Variants in ZNF469 observed in about 807,000 individuals in gnomAD.
ZNF469 encodes the protein zinc finger protein 469.
A neutral mutation model predicts 1.0 loss-of-function variants in ZNF469; 1 was observed. The ratio of observed to expected loss-of-function variants is 1.00; its 90% CI spans 0.35 to 4.73. The LOEUF is 4.73. ZNF469 is among the 30% of genes most tolerant of loss of function. ZNF469 has a pLI of 0.16. For synonymous variants in ZNF469, 2,703 were observed against 2,363.4 expected, an observed-to-expected ratio of 1.14 and a Z score of -4.17; for missense variants, 6,100 against 5,356.3, an observed-to-expected ratio of 1.14 and a Z score of -4.33.
the ZNF469 span, among the ~76,000 whole-genome samples, chr16:88,301,802 GC>G: frequency 1.3e-5 from 2 of 152,214 alleles, no homozygotes; most frequent in South Asian, 4.2e-4. Context: ...TCACCTTTCT[GC>G]CCCTGCCACC....
At chr16:88,395,041 G>T (rs533001430) in intron 1 of ZNF469, among the ~76,000 whole-genome samples, 3 of 152,336 alleles carry the variant, frequency 2.0e-5, no homozygotes, top group African/African-American at 7.2e-5. Flanking sequence ...ACAGCCTCAG[G>T]TTGGCTCACG....
chr16:88,127,344 C>T, the ZNF469 span, among the ~76,000 whole-genome samples: 1 of 152,198 alleles, frequency 6.6e-6, no homozygotes, highest in Non-Finnish European at 1.5e-5. Flanking sequence ...TAGAATTCAG[C>T]AACGAATCCC....
the ZNF469 span, among the ~76,000 whole-genome samples, chr16:88,196,287 GGA>G: frequency 2.0e-5 from 3 of 152,336 alleles, no homozygotes; most frequent in East Asian, 3.9e-4. Context: ...CCTGTGCCAA[GGA>G]GAGAGGTGGC....
chr16:88,382,115 G>A (rs1434895948), upstream of ZNF469, among the ~76,000 whole-genome samples: 1 of 152,238 alleles, frequency 6.6e-6, no homozygotes, highest in Non-Finnish European at 1.5e-5. Context: ...ATCCTCTGAA[G>A]TGGGGGAGGG....
chr16:88,220,813 A>T, the ZNF469 span, among the ~76,000 whole-genome samples: 2 of 152,258 alleles, frequency 1.3e-5, no homozygotes, highest in East Asian at 3.9e-4. Context: ...TTCCCCCACA[A>T]GGGGATCCTT....
At chr16:88,288,956 C>T in the ZNF469 span, among the ~76,000 whole-genome samples, 1 of 152,094 alleles carries the variant, frequency 6.6e-6, no homozygotes, top group Non-Finnish European at 1.5e-5. Context: ...ATCCAGTGTT[C>T]TTGGTGACTC....
chr16:88,189,515 T>C, the ZNF469 span, among the ~76,000 whole-genome samples: 1 of 152,246 alleles, frequency 6.6e-6, no homozygotes, highest in Admixed American at 6.5e-5. This position sits in a 1 kb window ranked among gnomAD's most constrained non-coding sequence, Gnocchi z 4.3. Flanking sequence ...CGTTCATTTA[T>C]CCACCATTCC....
At chr16:88,238,562 G>A in the ZNF469 span, among the ~76,000 whole-genome samples, 1 of 152,236 alleles carries the variant, frequency 6.6e-6, no homozygotes, top group Admixed American at 6.5e-5. Context: ...TCCCTTAGGA[G>A]GCCACTGTCC....
At chr16:88,151,639 T>C in the ZNF469 span, among the ~76,000 whole-genome samples, 1 of 152,206 alleles carries the variant, frequency 6.6e-6, no homozygotes, top group Non-Finnish European at 1.5e-5. The surrounding 1 kb of genome is among the most constrained non-coding windows in gnomAD (Gnocchi z 5.4). Flanking sequence ...TAGGCACCAT[T>C]AGTATCATAA....
the ZNF469 span, among the ~76,000 whole-genome samples, chr16:88,355,789 G>A: frequency 1.3e-5 from 2 of 152,206 alleles, no homozygotes; most frequent in African/African-American, 4.8e-5. Context: ...GGGGCCGGGG[G>A]ACACTCAGGA....
the ZNF469 span, among the ~76,000 whole-genome samples, chr16:88,135,470 C>A: frequency 6.6e-6 from 1 of 152,212 alleles, no homozygotes; most frequent in Non-Finnish European, 1.5e-5. Context: ...AGTGCCAGCC[C>A]GTGGCTGCTT....
At chr16:88,165,916 G>A in the ZNF469 span, among the ~76,000 whole-genome samples, 4 of 152,196 alleles carry the variant, frequency 2.6e-5, no homozygotes, top group South Asian at 2.1e-4. Context: ...CAAAGCCCCC[G>A]AGACTCATCC....
intron 1 of ZNF469, among the ~76,000 whole-genome samples, chr16:88,391,639 C>T (rs1378519555): frequency 6.6e-6 from 1 of 152,194 alleles, no homozygotes. Context: ...ACAGGTGGGG[C>T]CGGGGGACAG....
the ZNF469 span, among the ~76,000 whole-genome samples, chr16:88,152,157 A>G: frequency 6.6e-6 from 1 of 152,216 alleles, no homozygotes; most frequent in South Asian, 2.1e-4. The surrounding 1 kb of genome is among the most constrained non-coding windows in gnomAD (Gnocchi z 4.2). Flanking sequence ...GGATGCAAAA[A>G]CAATTCTGAG....
chr16:88,205,290 G>A, the ZNF469 span, among the ~76,000 whole-genome samples: 123 of 152,240 alleles, frequency 8.1e-4, 1 homozygote, highest in East Asian at 0.017. The surrounding 1 kb of genome is among the most constrained non-coding windows in gnomAD (Gnocchi z 4.2). Flanking sequence ...ATTATGTCCC[G>A]GCTTCCTCGA....
At chr16:88,264,196 C>T in the ZNF469 span, among the ~76,000 whole-genome samples, 3 of 152,126 alleles carry the variant, frequency 2.0e-5, no homozygotes, top group Non-Finnish European at 4.4e-5. Flanking sequence ...GGTCCTCAGG[C>T]CCCTTTGCTT....
At chr16:88,280,319 GCA>G in the ZNF469 span, among the ~76,000 whole-genome samples, 1 of 151,922 alleles carries the variant, frequency 6.6e-6, no homozygotes, top group Non-Finnish European at 1.5e-5. Flanking sequence ...AGATATCAGT[GCA>G]CAGTTAGTGC....
chr16:88,355,733 C>T, the ZNF469 span, among the ~76,000 whole-genome samples: 24 of 152,186 alleles, frequency 1.6e-4, no homozygotes, highest in Non-Finnish European at 4.4e-5. Context: ...TCCTCTGGGC[C>T]ACATACTCAG....
the ZNF469 span, among the ~76,000 whole-genome samples, chr16:88,301,727 G>A: frequency 9.2e-5 from 14 of 152,188 alleles, no homozygotes; most frequent in Non-Finnish European, 1.5e-4. Flanking sequence ...CTTTGTCTCC[G>A]CCCAGCTCTC....
Sources: gnomAD v4.1 joint callset for allele counts (sites outside exome capture counted in the v4.1 genomes callset) on GRCh38, gnomAD v4.1.1 for gene constraint, Gnocchi (gnomAD v3.1) non-coding constraint, MANE v1.5 for transcripts, NCBI Gene and HGNC (gene_info 2026-07-23, HGNC 2026-07-21) for gene names.